ANKRD31: variants seen among roughly 807,000 people sequenced by gnomAD.
ANKRD31 encodes the protein ankyrin repeat domain-containing protein 31.
In ANKRD31, 147 loss-of-function variants were observed where a neutral mutation model predicts 186.0. That is an observed-to-expected ratio of 0.79 (90% confidence interval 0.69 to 0.91). ANKRD31 has a LOEUF of 0.91. Among genes scored for constraint, ANKRD31 ranks in the 40% least tolerant of loss-of-function variants. The pLI, the probability that ANKRD31 is intolerant of heterozygous loss-of-function variation, is 0.00. For missense variants in ANKRD31, 1,986 were observed against 2,148.8 expected, an observed-to-expected ratio of 0.92 and a Z score of 1.50; for synonymous variants, 673 against 736.4, an observed-to-expected ratio of 0.91 and a Z score of 1.39.
At chr5:75,131,732 C>G (rs1425551725) in intron 17 of ANKRD31, among the ~76,000 whole-genome samples, 1 of 152,148 alleles carries the variant, frequency 6.6e-6, no homozygotes, top group East Asian at 1.9e-4. Context: ...CTGTGACCCC[C>G]AAGTAGCATA....
intron 13 of ANKRD31, 72 bp from the exon 14 acceptor site, chr5:75,147,577 G>A (rs1751569196): frequency 2.0e-6 from 2 of 1,023,746 alleles, no homozygotes; most frequent in South Asian, 2.2e-5. Flanking sequence ...CTGGATTATT[G>A]ATAAATCAAC....
intron 22 of ANKRD31, among the ~76,000 whole-genome samples, chr5:75,093,238 A>C (rs1424001615): frequency 6.6e-6 from 1 of 152,130 alleles, no homozygotes; most frequent in Non-Finnish European, 1.5e-5. Context: ...TCCAGCACTT[A>C]GGGAGGCTGA....
At position 75,112,508 on chromosome 5, in the gene ANKRD31, T is replaced by G. The variant is rs1204521073; in HGVS notation, c.4243+5A>C. On this transcript the variant is annotated splice_donor_5th_base_variant and intron_variant, in intron 20 of 25. Transcript: ENST00000506364. ...TATCATACTTGAGTATGAGTCTATA[T>G]TTACCTGCATCTTCAGGGTTTCTTA... 2.0e-6 allele frequency: 3 copies of G among 1,468,190 alleles called. No homozygotes were observed. The highest frequency in any genetic ancestry group is 2.8e-6 in the Non-Finnish European group (3 of 1,088,804). The allele number at this position is 1,468,190 out of a possible 1,614,324, so 90.9% of individuals were successfully genotyped here.
intron 17 of ANKRD31, among the ~76,000 whole-genome samples, chr5:75,135,942 A>T (rs186385072): frequency 3.8e-4 from 58 of 152,286 alleles, no homozygotes; most frequent in African/African-American, 1.3e-3. Context: ...AGTAAATGGT[A>T]TTGGGAAAAC....
chr5:75,119,782 C>A (rs1467167711), intron 17 of ANKRD31, among the ~76,000 whole-genome samples: 1 of 152,142 alleles, frequency 6.6e-6, no homozygotes, highest in African/African-American at 2.4e-5. Flanking sequence ...TAAATAATAG[C>A]CATTCTGACT....
chr5:75,235,192 T>C (rs1758183935), intron 1 of ANKRD31, among the ~76,000 whole-genome samples: 1 of 151,540 alleles, frequency 6.6e-6, no homozygotes, highest in South Asian at 2.1e-4. Context: ...TATTTTACGA[T>C]ATAAACTTTG....
In ANKRD31 at chr5:75,107,613, T is replaced by C. The variant is rs187640209; in HGVS notation, c.4248A>G (p.Gln1416=). 3.2e-5 allele frequency: 48 copies of C among 1,509,188 alleles called. 1 individual carries two copies. In the Admixed American group the frequency reaches 8.9e-4, roughly 28 times the overall value. 93.5% of individuals were successfully genotyped at this position (1,509,188 alleles called of 1,614,324 possible). A position where few individuals can be genotyped will look rare whatever the true frequency, so the allele number is the denominator to read the frequency against. Residue 1416 remains glutamine, a synonymous_variant, in exon 21 of 26, where the codon CAA becomes CAG. Transcript: ENST00000506364. ...TTATCTTTAACATCTTTTCAATGTA[T>C]TGTTCTAGAAACATGACAATAAAAA... ...FEIRNPEDAE[Q]YIEKMLKIKK...
At chr5:75,148,674 A>C in intron 12 of ANKRD31, 46 bp from the exon 13 acceptor site, 1 of 1,424,056 alleles carries the variant, frequency 7.0e-7, no homozygotes, top group Non-Finnish European at 9.4e-7. Flanking sequence ...TCTAGTGTTT[A>C]GACTTTAGAC....
chr5:75,170,892 A>G (rs1580474175), intron 10 of ANKRD31, among the ~76,000 whole-genome samples: 1 of 152,150 alleles, frequency 6.6e-6, no homozygotes, highest in South Asian at 2.1e-4. Flanking sequence ...AAAGACAGAC[A>G]TTTCATGGTG....
intron 10 of ANKRD31, among the ~76,000 whole-genome samples, chr5:75,178,611 G>C (rs190333563): frequency 3.0e-3 from 456 of 152,216 alleles, no homozygotes; most frequent in African/African-American, 0.011. Flanking sequence ...CATGGAAACT[G>C]AACAACCTGC....
intron 11 of ANKRD31, among the ~76,000 whole-genome samples, chr5:75,158,218 A>G (rs1752326405): frequency 6.6e-6 from 1 of 152,232 alleles, no homozygotes; most frequent in Admixed American, 6.5e-5. Flanking sequence ...ATCCAACAGT[A>G]AAATGTAAAA....
chr5:75,192,649 A>C lies in ANKRD31; in HGVS notation c.1408+18T>G. 1 of 1,453,858 alleles carries C rather than the reference A, an allele frequency of 6.9e-7. No individual in the cohort carries two copies. 90.1% of individuals were successfully genotyped at this position (1,453,858 alleles called of 1,614,324 possible). On this transcript the variant is annotated intron_variant, in intron 9 of 25. Coordinates refer to ENST00000506364, the MANE Select transcript of ANKRD31 (RefSeq NM_001372053.1). Reference sequence around the variant, plus strand: ...GTTTTTGTAAAAGAAATAGAAAAATACTCAAAATATGCATCACCTTTTTTT... The same window carrying C: ...GTTTTTGTAAAAGAAATAGAAAAATCCTCAAAATATGCATCACCTTTTTTT...
At position 75,118,233 on chromosome 5, in the gene ANKRD31, G is replaced by A. The variant is rs1477498832; in HGVS notation, c.3941C>T (p.Ala1314Val). Residue 1314 changes from alanine to valine, a missense_variant, in exon 18 of 26, where the codon GCT (alanine) becomes GTT (valine). By Grantham distance (64) the Ala-to-Val change is moderately conservative. Transcript: ENST00000506364. ...TTTTTCATCATCTGCTTCATCCAAA[G>A]CACTCTTCTGTTTTTGATCTTTTTG... ...PNQKDQKQKS[A>V]LDEADDEKMK... is the part of the protein sequence containing the mutation. 4 of 1,527,926 alleles carry A rather than the reference G, an allele frequency of 2.6e-6. No individual in the cohort carries two copies. Among genetic ancestry groups the A allele is most frequent in the Non-Finnish European group, 3.5e-6 (4 of 1,144,426 alleles). 94.6% of individuals were successfully genotyped at this position (1,527,926 alleles called of 1,614,324 possible).
At chr5:75,123,086 G>A (rs1244570843) in intron 17 of ANKRD31, among the ~76,000 whole-genome samples, 1 of 152,084 alleles carries the variant, frequency 6.6e-6, no homozygotes, top group Middle Eastern at 3.2e-3. Context: ...ATTGAATTGA[G>A]TAAGCAGTAA....
In ANKRD31 at chr5:75,118,146, G is replaced by A; in HGVS notation, c.4028C>T (p.Ala1343Val). Residue 1343 changes from alanine (A) to valine (V), a missense_variant, in exon 18 of 26, where the codon GCT becomes GTT. Transcript: ENST00000506364. ...IETVNRDESD[A>V]IVNEKIPAVR... ...ATTGATATACATACCATTGACTATA[G>A]CATCACTCTCATCTCTATTAACAGT... 2.0e-6 allele frequency: 3 copies of A among 1,477,324 alleles called. No individual in the cohort carries two copies. The highest frequency in any genetic ancestry group is 2.7e-6 in the Non-Finnish European group (3 of 1,125,258). 91.5% of individuals were successfully genotyped at this position (1,477,324 alleles called of 1,614,324 possible). A position where few individuals can be genotyped will look rare whatever the true frequency, so the allele number is the denominator to read the frequency against.
At chr5:75,134,993 A>G (rs1050726141) in intron 17 of ANKRD31, among the ~76,000 whole-genome samples, 1 of 152,152 alleles carries the variant, frequency 6.6e-6, no homozygotes, top group African/African-American at 2.4e-5. Flanking sequence ...CTCTCAATAA[A>G]CTAGGTATTG....
intron 4 of ANKRD31, among the ~76,000 whole-genome samples, chr5:75,207,530 T>A (rs1756335102): frequency 6.6e-6 from 1 of 152,140 alleles, no homozygotes. Flanking sequence ...AATAATTAAA[T>A]GAATTATAGT....
chr5:75,179,878 GC>G (rs1163439876), intron 10 of ANKRD31, among the ~76,000 whole-genome samples: 1 of 152,066 alleles, frequency 6.6e-6, no homozygotes, highest in Non-Finnish European at 1.5e-5. Flanking sequence ...GGAAGTTCTG[GC>G]CAGGGCAATC....
chr5:75,116,520 T>C (rs1027603581), intron 19 of ANKRD31, 46 bp downstream of exon 19: 151 of 1,217,862 alleles, frequency 1.2e-4, no homozygotes, highest in Non-Finnish European at 1.5e-4. Context: ...GCTCAAAGAA[T>C]GGCATTTTCT....
Sources: gnomAD v4.1 joint callset for allele counts (sites outside exome capture counted in the v4.1 genomes callset) on GRCh38, gnomAD v4.1.1 for gene constraint, MANE v1.5 for transcripts, NCBI Gene and HGNC (gene_info 2026-07-23, HGNC 2026-07-21) for gene names.